ADAMTS17: variants seen among roughly 807,000 people sequenced by gnomAD.
The protein encoded by ADAMTS17 is ADAM metallopeptidase with thrombospondin type 1 motif 17, also known as A disintegrin and metalloproteinase with thrombospondin motifs 17.
A neutral mutation model predicts 141.5 loss-of-function variants in ADAMTS17; 113 were observed. That is an observed-to-expected ratio of 0.80 (90% CI 0.69 to 0.93). The LOEUF is 0.93. Ranked by LOEUF, ADAMTS17 falls within the 40% of genes least tolerant of loss-of-function variation. ADAMTS17 has a pLI of 0.00. For missense variants in ADAMTS17, 1,659 were observed against 1,517.9 expected (o/e 1.09, Z -1.54); for synonymous variants, 768 against 630.6 (o/e 1.22, Z -3.27).
intron 20 of ADAMTS17, among the ~76,000 whole-genome samples, chr15:99,985,239 T>G (rs2060562367): frequency 6.6e-6 from 1 of 152,246 alleles, no homozygotes; most frequent in Admixed American, 6.5e-5. Context: ...TCACTGCCTT[T>G]CACGGGCTGC....
In ADAMTS17 at chr15:100,235,964, T is replaced by C. The variant is rs375856779; in HGVS notation, c.1075+18172A>G. On this transcript the variant is annotated intron_variant, in intron 7 of 21. Transcript: ENST00000268070. ...CACAACTCCTCCTGCCTCTCTTAAATACCAACATCAAGTTTATGGAAAATC... is the reference window on the plus strand; with the variant it reads ...CACAACTCCTCCTGCCTCTCTTAAACACCAACATCAAGTTTATGGAAAATC... Among the ~76,000 whole-genome samples, 108 of 152,246 alleles carry C rather than the reference T, an allele frequency of 7.1e-4. No homozygotes were observed. The South Asian group carries it at 0.022, about 31-fold the overall frequency.
At chr15:99,982,935 G>A (rs1441831819) in intron 20 of ADAMTS17, among the ~76,000 whole-genome samples, 2 of 152,078 alleles carry the variant, frequency 1.3e-5, no homozygotes, top group Admixed American at 6.5e-5. Flanking sequence ...GGAAAAAACA[G>A]GAACAAAATT....
At chr15:100,098,662 C>CAA (rs60619181) in intron 14 of ADAMTS17, among the ~76,000 whole-genome samples, 155 of 144,200 alleles carry the variant, frequency 1.1e-3, no homozygotes, top group Middle Eastern at 3.6e-3. Context: ...GAGTCCGTCT[C>CAA]AAAAAAAAAA....
chr15:100,239,660 T>C (rs1379542231), intron 7 of ADAMTS17, among the ~76,000 whole-genome samples: 2 of 152,024 alleles, frequency 1.3e-5, no homozygotes, highest in African/African-American at 4.8e-5. Context: ...TGCTTTGACG[T>C]CTAATGAGCC....
intron 8 of ADAMTS17, among the ~76,000 whole-genome samples, chr15:100,198,033 G>T (rs1407581776): frequency 6.6e-6 from 1 of 152,166 alleles, no homozygotes; most frequent in Non-Finnish European, 1.5e-5. Context: ...GGGGATGGAG[G>T]ACTAGGGGAA....
rs770821999 is a variant in ADAMTS17 at position 100,261,568 on chromosome 15, C to G, written c.942G>C (p.Glu314Asp). Residue 314 changes from glutamate to aspartate, a missense_variant, in exon 6 of 22, where the codon GAG becomes GAC. Coordinates refer to ENST00000268070, the MANE Select transcript of ADAMTS17 (RefSeq NM_139057.4). ...TGCCGAGGTATCGCGCTCCTCCATA[C>G]TCCTCGTTCTGCCAGTGACAGAAGC... Reference protein sequence around the residue: ...LESFCHWQNEEYGGARYLGNN... With the variant: ...LESFCHWQNEDYGGARYLGNN... 47 of 1,614,070 alleles carry G rather than the reference C, an allele frequency of 2.9e-5. No individual in the cohort carries two copies. Among genetic ancestry groups the G allele is most frequent in the Non-Finnish European group, 3.9e-5 (46 of 1,180,036 alleles).
intron 12 of ADAMTS17, among the ~76,000 whole-genome samples, chr15:100,125,623 C>A (rs1419910132): frequency 6.6e-6 from 1 of 152,150 alleles, no homozygotes; most frequent in East Asian, 1.9e-4. Context: ...CTTCCCCACA[C>A]ACAAACTGTC....
At chr15:100,222,391 G>T (rs1163495673) in intron 7 of ADAMTS17, among the ~76,000 whole-genome samples, 5 of 152,194 alleles carry the variant, frequency 3.3e-5, no homozygotes, top group Admixed American at 2.0e-4. Flanking sequence ...TGAACAGAAA[G>T]ACATGATTCA....
chr15:100,208,495 T>G (rs934022063), intron 7 of ADAMTS17, among the ~76,000 whole-genome samples: 1 of 152,128 alleles, frequency 6.6e-6, no homozygotes, highest in Non-Finnish European at 1.5e-5. Context: ...ATGTTTGCCT[T>G]ATAATAATTC....
intron 13 of ADAMTS17, among the ~76,000 whole-genome samples, chr15:100,110,272 T>C (rs1032578934): frequency 1.1e-4 from 14 of 130,374 alleles, no homozygotes; most frequent in Admixed American, 2.4e-4. Context: ...TACATATATA[T>C]ATATTTTTTT....
chr15:100,062,225 C>T (rs553821926), intron 15 of ADAMTS17, among the ~76,000 whole-genome samples: 6 of 152,232 alleles, frequency 3.9e-5, no homozygotes, highest in African/African-American at 1.4e-4. Context: ...ATGTCAACTC[C>T]AGGGATGTCA....
chr15:100,009,033 T>G (rs898123153), intron 18 of ADAMTS17, among the ~76,000 whole-genome samples: 1 of 152,104 alleles, frequency 6.6e-6, no homozygotes, highest in Non-Finnish European at 1.5e-5. Context: ...AGAGACAAGG[T>G]CTCACTATAT....
chr15:99,981,159 C>G (rs533030680), intron 20 of ADAMTS17, among the ~76,000 whole-genome samples: 1 of 152,216 alleles, frequency 6.6e-6, no homozygotes, highest in Non-Finnish European at 1.5e-5. Flanking sequence ...GAGCTTTAAT[C>G]GGAAGCGGGA....
chr15:100,012,581 C>T (rs2061207987), intron 18 of ADAMTS17, among the ~76,000 whole-genome samples: 1 of 152,154 alleles, frequency 6.6e-6, no homozygotes, highest in Non-Finnish European at 1.5e-5. Flanking sequence ...AGATGAAGAT[C>T]CAGTTTCATT....
At chr15:100,148,626 T>A (rs963280922) in intron 10 of ADAMTS17, among the ~76,000 whole-genome samples, 1 of 152,130 alleles carries the variant, frequency 6.6e-6, no homozygotes, top group Non-Finnish European at 1.5e-5. Context: ...ATATAACTTA[T>A]CTGTTTTTCC....
rs150776926 is a variant in ADAMTS17 at position 100,257,843 on chromosome 15, C to T, written c.1031+3636G>A. ...AAATTCACTGTCATGCAACCATCACCGCTATCCACCTCCAAAACCTTTCCA... is the reference window on the plus strand; with the variant it reads ...AAATTCACTGTCATGCAACCATCACTGCTATCCACCTCCAAAACCTTTCCA... On this transcript the variant is annotated intron_variant, in intron 6 of 21. Coordinates refer to ENST00000268070, the MANE Select transcript of ADAMTS17 (RefSeq NM_139057.4). Among the ~76,000 whole-genome samples, 585 of 152,256 alleles carry T rather than the reference C, an allele frequency of 3.8e-3. 8 individuals are homozygous for T. The highest frequency in any genetic ancestry group is 0.013 in the African/African-American group (536 of 41,538).
At chr15:100,224,291 A>G (rs1303607313) in intron 7 of ADAMTS17, among the ~76,000 whole-genome samples, 1 of 152,132 alleles carries the variant, frequency 6.6e-6, no homozygotes, top group Non-Finnish European at 1.5e-5. Flanking sequence ...AGCAAATGCA[A>G]TTGTCTAAGT....
chr15:100,136,941 CCT>C (rs967371180), intron 10 of ADAMTS17, among the ~76,000 whole-genome samples: 1 of 152,192 alleles, frequency 6.6e-6, no homozygotes, highest in Non-Finnish European at 1.5e-5. Context: ...TTTGCAGCAG[CCT>C]CTCTCTACAG....
intron 4 of ADAMTS17, among the ~76,000 whole-genome samples, chr15:100,276,659 C>G (rs2044107646): frequency 6.6e-6 from 1 of 152,038 alleles, no homozygotes; most frequent in Admixed American, 6.5e-5. Flanking sequence ...GAGACAGAGC[C>G]ACTCCCATCC....
Sources: allele counts gnomAD v4.1 joint callset (sites outside exome capture counted in the v4.1 genomes callset), GRCh38; gene constraint gnomAD v4.1.1; transcripts MANE v1.5; gene names NCBI Gene and HGNC (gene_info 2026-07-23, HGNC 2026-07-21).